MAGI2: variants seen among roughly 807,000 people sequenced by gnomAD.
MAGI2 encodes membrane associated guanylate kinase, WW and PDZ domain containing 2.
Under a neutral mutation model 133.3 loss-of-function variants are expected in MAGI2, and 35 were observed. The observed-to-expected ratio is 0.26, with a 90% CI of 0.20 to 0.35. The LOEUF (loss-of-function observed/expected upper bound fraction) is 0.35, where lower values mean the gene tolerates loss of function less well. Ranked by LOEUF, MAGI2 falls within the 10% of genes least tolerant of loss-of-function variation. The pLI is 1.00. For missense variants in MAGI2, 1,636 were observed against 1,863.4 expected (o/e 0.88, Z 2.25); for synonymous variants, 729 against 710.6 (o/e 1.03, Z -0.41).
chr7:79,321,707 A>G (rs1037259544), intron 1 of MAGI2, among the ~76,000 whole-genome samples: 4 of 152,332 alleles, frequency 2.6e-5, no homozygotes, highest in Middle Eastern at 3.4e-3. Flanking sequence ...GTGTTGTTGG[A>G]GACTAGAACA....
At chr7:78,606,394 C>T (rs750475242) in intron 3 of MAGI2, among the ~76,000 whole-genome samples, 1 of 151,774 alleles carries the variant, frequency 6.6e-6, no homozygotes, top group African/African-American at 2.4e-5. Context: ...CTACTTTTGA[C>T]AAAAACTCAC....
chr7:78,664,869 C>A (rs752432313), intron 2 of MAGI2, among the ~76,000 whole-genome samples: 12 of 151,890 alleles, frequency 7.9e-5, no homozygotes, highest in Non-Finnish European at 1.2e-4. Context: ...AATATTAATT[C>A]TCATAGTAAA....
chr7:78,613,262 G>C (rs1260623105), intron 3 of MAGI2, among the ~76,000 whole-genome samples: 1 of 152,152 alleles, frequency 6.6e-6, no homozygotes, highest in Non-Finnish European at 1.5e-5. Flanking sequence ...TTCTAAGACA[G>C]TGTAGCTTCT....
chr7:78,737,238 A>C (rs1821948346), intron 2 of MAGI2, among the ~76,000 whole-genome samples: 1 of 152,166 alleles, frequency 6.6e-6, no homozygotes, highest in African/African-American at 2.4e-5. Flanking sequence ...AGAGTGGCAA[A>C]ATTAAAGAGG....
At chr7:78,728,845 G>C (rs538584967) in intron 2 of MAGI2, among the ~76,000 whole-genome samples, 1 of 124,368 alleles carries the variant, frequency 8.0e-6, no homozygotes, top group African/African-American at 2.8e-5. Context: ...GATTACAGGC[G>C]TGAGCCACCG....
intron 6 of MAGI2, among the ~76,000 whole-genome samples, 157 bp from the exon 7 acceptor site, chr7:78,369,370 A>G (rs1014235358): frequency 3.9e-5 from 6 of 152,128 alleles, no homozygotes; most frequent in African/African-American, 1.4e-4. Flanking sequence ...TATAGAAACT[A>G]TAAGAGGCAC....
At chr7:78,758,589 T>G (rs548947852) in intron 2 of MAGI2, among the ~76,000 whole-genome samples, 25 of 152,322 alleles carry the variant, frequency 1.6e-4, no homozygotes, top group Admixed American at 7.8e-4. Context: ...CACATGCACA[T>G]CTGTGTGAGA....
intron 2 of MAGI2, among the ~76,000 whole-genome samples, chr7:78,698,997 C>G (rs1817792800): frequency 6.6e-6 from 1 of 152,172 alleles, no homozygotes; most frequent in Non-Finnish European, 1.5e-5. Flanking sequence ...TATACTTTTA[C>G]CTTTATATAC....
At chr7:79,068,540 C>T (rs1988318) in intron 1 of MAGI2, among the ~76,000 whole-genome samples, 110,315 of 151,722 alleles carry the variant, frequency 0.73, 42,021 homozygotes, top group Non-Finnish European at 0.85. Flanking sequence ...AAAAAACCAC[C>T]GCCTGGATTA....
At chr7:78,920,325 A>C (rs1021596255) in intron 2 of MAGI2, among the ~76,000 whole-genome samples, 3 of 152,176 alleles carry the variant, frequency 2.0e-5, no homozygotes, top group Non-Finnish European at 2.9e-5. Flanking sequence ...GGATTAAATC[A>C]ATTAACACAT....
In MAGI2 at chr7:78,768,392, C is replaced by A. The variant is rs1825239941; in HGVS notation, c.419-141153G>T. Among the ~76,000 whole-genome samples, 8 of 152,288 alleles carry A rather than the reference C, an allele frequency of 5.3e-5. No individual in the cohort carries two copies. The South Asian group carries it at 1.7e-3, about 32-fold the overall frequency. The stretch of plus-strand genomic sequence containing the variant: ...GTCAGATTGTCTACATGTATAAAAG[C>A]AGCAATCGGATCTACATGCTGTATT... On this transcript the variant is annotated intron_variant, in intron 2 of 21. Transcript: ENST00000354212.
chr7:78,147,971 G>T (rs1025292378), intron 16 of MAGI2, among the ~76,000 whole-genome samples: 4 of 151,978 alleles, frequency 2.6e-5, no homozygotes, highest in African/African-American at 7.3e-5. Flanking sequence ...TTCACACATG[G>T]AATATAAAAT....
chr7:79,090,812 G>T (rs1816976197), intron 1 of MAGI2, among the ~76,000 whole-genome samples: 1 of 152,044 alleles, frequency 6.6e-6, no homozygotes, highest in Non-Finnish European at 1.5e-5. Context: ...TGGTATCTGT[G>T]GACCACATCA....
chr7:79,397,242 TA>T (rs1845127738), intron 1 of MAGI2, among the ~76,000 whole-genome samples: 1 of 150,586 alleles, frequency 6.6e-6, no homozygotes, highest in Non-Finnish European at 1.5e-5. Flanking sequence ...ATATTTATGT[TA>T]AAAATAAAAT....
intron 1 of MAGI2, among the ~76,000 whole-genome samples, chr7:79,133,320 T>A (rs1585007789): frequency 1.3e-5 from 2 of 152,240 alleles, no homozygotes; most frequent in East Asian, 3.9e-4. Flanking sequence ...TGAGCTGACT[T>A]TTTTTTATAA....
chr7:79,100,431 C>A (rs1817877015), intron 1 of MAGI2, among the ~76,000 whole-genome samples: 1 of 151,588 alleles, frequency 6.6e-6, no homozygotes, highest in South Asian at 2.1e-4. Context: ...AAAAATATGT[C>A]ATTGTTTCCA....
chr7:79,405,034 G>A (rs1320091277), intron 1 of MAGI2, among the ~76,000 whole-genome samples: 2 of 152,090 alleles, frequency 1.3e-5, no homozygotes, highest in African/African-American at 4.8e-5. Flanking sequence ...AAAAGGAGCT[G>A]GCCATGGACC....
intron 1 of MAGI2, among the ~76,000 whole-genome samples, chr7:79,158,477 T>C (rs149430694): frequency 6.3e-4 from 96 of 152,204 alleles, no homozygotes; most frequent in African/African-American, 2.3e-3. Flanking sequence ...TCCTAAGAAT[T>C]GTTTGCATTT....
At chr7:78,555,625 G>T (rs542866505) in intron 3 of MAGI2, among the ~76,000 whole-genome samples, 12 of 152,238 alleles carry the variant, frequency 7.9e-5, no homozygotes, top group Admixed American at 1.3e-4. Context: ...TGGGAACTGA[G>T]TTTATATTAC....
Sources: gnomAD v4.1 joint callset for allele counts (sites outside exome capture counted in the v4.1 genomes callset) on GRCh38, gnomAD v4.1.1 for gene constraint, MANE v1.5 for transcripts, NCBI Gene and HGNC (gene_info 2026-07-23, HGNC 2026-07-21) for gene names.